ZNF592: variants seen among roughly 807,000 people sequenced by gnomAD.
ZNF592 encodes zinc finger protein 592.
Under a neutral mutation model 80.3 loss-of-function variants are expected in ZNF592, and 11 were observed. That is an observed-to-expected ratio of 0.14 (90% CI 0.09 to 0.23). The LOEUF is 0.23. Among genes scored for constraint, ZNF592 ranks in the 10% least tolerant of loss-of-function variants. The probability of loss-of-function intolerance (pLI) is 1.00; values close to 1 mark genes in which losing one functional copy is unlikely to be tolerated. For synonymous variants in ZNF592, 646 were observed against 640.3 expected (o/e 1.01, Z -0.13); for missense variants, 1,420 against 1,633.9 (o/e 0.87, Z 2.26).
Position 84,800,000 on chromosome 15 carries a change from T to A in ZNF592, c.3273+23T>A, listed in dbSNP as rs1312023982. ...CAGGTGAGTGTGGGCTCCCTGCCTATTGGAGCTGGCTGCTCAGTGAGGCTT... is the reference window on the plus strand; with the variant it reads ...CAGGTGAGTGTGGGCTCCCTGCCTAATGGAGCTGGCTGCTCAGTGAGGCTT... On this transcript the variant is annotated intron_variant, in intron 10 of 10. Transcript: ENST00000560079. The surrounding 1 kb of genome is among the most constrained non-coding windows in gnomAD (Gnocchi z 4.2). 6.2e-7 allele frequency: 1 copy of A among 1,613,986 alleles called. No individual in the cohort carries two copies. The highest frequency in any genetic ancestry group is 2.2e-5 in the East Asian group (1 of 44,892).
chr15:84,799,145 C>A lies in ZNF592; in HGVS notation c.3072C>A (p.Thr1024=), dbSNP rs201123182. ...PCRQCEQSFH[T]PNSLRKHIRN... is the part of the protein sequence containing the mutation. ...GGCAGTGTGAACAGTCCTTCCACAC[C>A]CCCAACAGCCTGCGCAAACACATCC... is the stretch of plus-strand genomic sequence containing the variant. The change falls in exon 9 of 11, where the codon ACC becomes ACA. Residue 1024 remains threonine (T), a synonymous_variant. Transcript: ENST00000560079. The surrounding 1 kb of genome is among the most constrained non-coding windows in gnomAD (Gnocchi z 4.2). 6.2e-7 allele frequency: 1 copy of A among 1,614,120 alleles called. No individual in the cohort carries two copies. Among genetic ancestry groups the A allele is most frequent in the South Asian group, 1.1e-5 (1 of 91,084 alleles).
At chr15:84,752,839 A>G (rs1899051337) in intron 1 of ZNF592, among the ~76,000 whole-genome samples, 1 of 152,210 alleles carries the variant, frequency 6.6e-6, no homozygotes, top group African/African-American at 2.4e-5. Context: ...GGATCCAGAG[A>G]GACTGACTCA....
intron 2 of ZNF592, among the ~76,000 whole-genome samples, chr15:84,765,574 C>T (rs1359487332): frequency 3.5e-5 from 4 of 114,332 alleles, no homozygotes; most frequent in African/African-American, 1.3e-4. Flanking sequence ...GAGTCTTGCT[C>T]TGTTGCCAGA....
chr15:84,799,057 T>C lies in ZNF592; in HGVS notation c.3025-41T>C. ...AAGAAAAATGCACCCAGAACTATCT[T>C]ACAGTTCTGATGCTTTGTGTGTTGC... On this transcript the variant is annotated intron_variant, in intron 8 of 10. Transcript: ENST00000560079. This position sits in a 1 kb window ranked among gnomAD's most constrained non-coding sequence, Gnocchi z 4.2. 2.5e-6 allele frequency: 4 copies of C among 1,601,668 alleles called. No individual in the cohort carries two copies. The highest frequency in any genetic ancestry group is 3.4e-6 in the Non-Finnish European group (4 of 1,168,558).
At position 84,757,662 on chromosome 15, in the gene ZNF592, C is replaced by CT. The variant is rs987513571; in HGVS notation, c.-258-7031dup. Among the ~76,000 whole-genome samples, 495 of 137,866 alleles carry CT rather than the reference C, an allele frequency of 3.6e-3. 3 individuals are homozygous for CT. The highest frequency in any genetic ancestry group is 9.1e-3 in the African/African-American group (340 of 37,394). 90.4% of individuals were successfully genotyped at this position (137,866 alleles called of 152,430 possible). On this transcript the variant is annotated intron_variant, in intron 1 of 10. Transcript: ENST00000560079. Reference sequence around the variant, plus strand: ...GTCACTGTGCCTGGCTGCCATTAATCTTTTTTTTTTTTTTGAGATGGAGTC... The same window carrying CT: ...GTCACTGTGCCTGGCTGCCATTAATCTTTTTTTTTTTTTTTGAGATGGAGTC...
In ZNF592 at chr15:84,784,737, G is replaced by A. The variant is rs1962540587; in HGVS notation, c.2062G>A (p.Gly688Ser). The A allele has an allele frequency of 1.9e-6, 3 of 1,613,948 alleles. No homozygotes were observed. The highest frequency in any genetic ancestry group is 3.3e-5 in the Admixed American group (2 of 59,986). ...SSSPKHGLTS[G>S]SASPPPPALP... ...CTCTCCCAAACATGGCCTCACTTCG[G>A]GCAGTGCCAGTCCCCCTCCTCCAGC... Residue 688 changes from glycine to serine, a missense_variant, in exon 4 of 11, where the codon GGC becomes AGC. Around this residue, in one of 7 missense-constraint regions of ZNF592, gnomAD observed 524 missense variants for 628.3 expected, o/e 0.83. Transcript: ENST00000560079. The surrounding 1 kb of genome is among the most constrained non-coding windows in gnomAD (Gnocchi z 5.8).
chr15:84,801,743 A>G (rs1963100629), intron 10 of ZNF592, 120 bp from the exon 11 acceptor site: 6 of 1,424,418 alleles, frequency 4.2e-6, no homozygotes, highest in Non-Finnish European at 5.9e-6. Context: ...ACCAGCGTTC[A>G]GGGCTGGGGT....
chr15:84,784,993 G>T lies in ZNF592; in HGVS notation c.2220+98G>T. ...AAAGCTCATTGATATGGGGGCAGTGGTGGAATCTTATGAGTCTTAGAAGAG... is the reference window on the plus strand; with the variant it reads ...AAAGCTCATTGATATGGGGGCAGTGTTGGAATCTTATGAGTCTTAGAAGAG... On this transcript the variant is annotated intron_variant, in intron 4 of 10. Coordinates refer to ENST00000560079, the MANE Select transcript of ZNF592 (RefSeq NM_014630.3). This position sits in a 1 kb window ranked among gnomAD's most constrained non-coding sequence, Gnocchi z 5.8. 2.2e-6 allele frequency: 3 copies of T among 1,370,886 alleles called. No individual in the cohort carries two copies. The highest frequency in any genetic ancestry group is 3.1e-6 in the Non-Finnish European group (3 of 963,498). The allele number at this position is 1,370,886 out of a possible 1,614,324, so 84.9% of individuals were successfully genotyped here.
rs72491489 is a variant in ZNF592, at chr15:84,779,984, G to GTT, written c.-20+1675_-20+1676dup. ...CCCCTCAATCTTTTTTTCCTAGACA[G>GTT]TTTTGTTTTTTTTTTTTTTTGAGTT... On this transcript the variant is annotated intron_variant, in intron 3 of 10. Transcript: ENST00000560079. 1.7e-3 allele frequency among the ~76,000 whole-genome samples: 220 copies of GTT among 131,736 alleles called. 20 individuals are homozygous for GTT. The highest frequency in any genetic ancestry group is 2.9e-3 in the East Asian group (12 of 4,210). The allele number at this position is 131,736 out of a possible 152,430, so 86.4% of individuals were successfully genotyped here.
At chr15:84,801,210 A>G (rs932821950) in intron 10 of ZNF592, among the ~76,000 whole-genome samples, 1 of 152,214 alleles carries the variant, frequency 6.6e-6, no homozygotes, top group Non-Finnish European at 1.5e-5. Context: ...CTATAGTTCC[A>G]TCTATTCAGG....
At position 84,802,492 on chromosome 15, in the gene ZNF592, G is replaced by T. The variant is rs1234635392; in HGVS notation, c.*99G>T. The T allele has an allele frequency of 1.4e-6, 2 of 1,411,506 alleles. No individual in the cohort carries two copies. The highest frequency in any genetic ancestry group is 2.0e-6 in the Non-Finnish European group (2 of 1,023,030). 87.4% of individuals were successfully genotyped at this position (1,411,506 alleles called of 1,614,324 possible). A position where few individuals can be genotyped will look rare whatever the true frequency, so the allele number is the denominator to read the frequency against. The stretch of plus-strand genomic sequence containing the variant: ...ATAAAAGGCTCTGCCCCCAGTGTGA[G>T]TGTGACCGGTTGTACCCTGGAGTAG... On this transcript the variant is annotated 3_prime_UTR_variant, in exon 11 of 11. Coordinates refer to ENST00000560079, the MANE Select transcript of ZNF592 (RefSeq NM_014630.3).
chr15:84,800,451 CT>C lies in ZNF592; in HGVS notation c.3273+475del. 1.3e-5 allele frequency among the ~76,000 whole-genome samples: 2 copies of C among 152,280 alleles called. 1 individual carries two copies. The highest frequency in any genetic ancestry group is 6.8e-3 in the Middle Eastern group (2 of 294). On this transcript the variant is annotated intron_variant, in intron 10 of 10. Transcript: ENST00000560079. ...TATGACCTCATCCCTGTTCCATGCC[CT>C]ATTCTGATTTCTGGTGAACTTTGGA...
intron 1 of ZNF592, among the ~76,000 whole-genome samples, chr15:84,763,472 T>A (rs1388971329): frequency 2.0e-5 from 3 of 152,186 alleles, no homozygotes; most frequent in Admixed American, 6.5e-5. Context: ...TTATTTACTA[T>A]TGGACAGCAG....
Position 84,801,955 on chromosome 15 carries a change from C to T in ZNF592, c.3366C>T (p.Ser1122=), listed in dbSNP as rs1009376638. 27 of 1,613,872 alleles carry T rather than the reference C, an allele frequency of 1.7e-5. No individual in the cohort carries two copies. The highest frequency in any genetic ancestry group is 2.2e-5 in the Non-Finnish European group (26 of 1,179,878). ...TCTCTTCCACCAAAAGGCACAAGTCCCTTTTTCAGTGCGCGAAATGTAGTT... is the reference window on the plus strand; with the variant it reads ...TCTCTTCCACCAAAAGGCACAAGTCTCTTTTTCAGTGCGCGAAATGTAGTT... ...ATVSSTKRHK[S]LFQCAKCSFA... is the part of the protein sequence containing the mutation. Residue 1122 remains serine (S), a synonymous_variant, in exon 11 of 11, where the codon TCC becomes TCT. Coordinates refer to ENST00000560079, the MANE Select transcript of ZNF592 (RefSeq NM_014630.3).
chr15:84,796,197 G>C (rs907865227), intron 5 of ZNF592, among the ~76,000 whole-genome samples: 2 of 122,112 alleles, frequency 1.6e-5, no homozygotes, highest in Non-Finnish European at 3.3e-5. Context: ...ACTCCAATCT[G>C]GGTGACAAAG....
At position 84,783,503 on chromosome 15, in the gene ZNF592, A is replaced by G. The variant is rs140199982; in HGVS notation, c.828A>G (p.Pro276=). The G allele has an allele frequency of 5.3e-4, 851 of 1,614,208 alleles. 2 individuals carry two copies. Among genetic ancestry groups the G allele is most frequent in the Middle Eastern group, 9.9e-4 (6 of 6,062 alleles). ...TCCCCCCTAGGCAGCGTCTAAAGCCAGCTCATTCCAAGCTGTCCTCTTGTG... is the reference window on the plus strand; with the variant it reads ...TCCCCCCTAGGCAGCGTCTAAAGCCGGCTCATTCCAAGCTGTCCTCTTGTG... ...SSVPPRQRLK[P]AHSKLSSCVA... The change falls in exon 4 of 11, where the codon CCA becomes CCG. Residue 276 remains proline, a synonymous_variant. Transcript: ENST00000560079. This position sits in a 1 kb window ranked among gnomAD's most constrained non-coding sequence, Gnocchi z 5.0.
rs1020470322 is a variant in ZNF592 at position 84,777,530 on chromosome 15, C to T, written c.-149-653C>T. ...AGGCATGGGGTCTCACTATGTTGGT[C>T]TTGAACTCCTAGGCTCAAGCGGTCA... On this transcript the variant is annotated intron_variant, in intron 2 of 10. Coordinates refer to ENST00000560079, the MANE Select transcript of ZNF592 (RefSeq NM_014630.3). Among the ~76,000 whole-genome samples, 8 of 151,246 alleles carry T rather than the reference C, an allele frequency of 5.3e-5. No homozygotes were observed. The South Asian group carries it at 1.7e-3, about 32-fold the overall frequency.
rs1199827228 is a variant in ZNF592 at position 84,784,523 on chromosome 15, G to A, written c.1848G>A (p.Leu616=). Residue 616 remains leucine (L), a synonymous_variant, in exon 4 of 11, where the codon CTG becomes CTA. Transcript: ENST00000560079. The surrounding 1 kb of genome is among the most constrained non-coding windows in gnomAD (Gnocchi z 5.8). ...GGCGGAGCGTCCACATTGAGGTACT[G>A]TGCACACTGTGCTCCAAGACGCTGC... ...YGRRSVHIEV[L]CTLCSKTLLF... 2 of 1,614,190 alleles carry A rather than the reference G, an allele frequency of 1.2e-6. No homozygotes were observed. The highest frequency in any genetic ancestry group is 1.3e-5 in the African/African-American group (1 of 75,058).
intron 1 of ZNF592, among the ~76,000 whole-genome samples, chr15:84,755,556 C>T (rs1397954033): frequency 6.6e-6 from 1 of 152,154 alleles, no homozygotes. Context: ...ACTTGCTTCT[C>T]TGTAAGGACA....
Sources: allele counts gnomAD v4.1 joint callset (sites outside exome capture counted in the v4.1 genomes callset), GRCh38; gene constraint gnomAD v4.1.1; regional missense constraint gnomAD v4.1.1; non-coding constraint Gnocchi (gnomAD v3.1); transcripts MANE v1.5; gene names NCBI Gene and HGNC (gene_info 2026-07-23, HGNC 2026-07-21).